The following MGST2 variants were observed in gnomAD, a reference collection of about 807,000 sequenced individuals.
MGST2 encodes the protein microsomal glutathione S-transferase 2.
MGST2 carries 9 observed loss-of-function variants against 16.6 expected under a neutral mutation model. That is an observed-to-expected ratio of 0.54 (90% CI 0.33 to 0.95). The LOEUF (loss-of-function observed/expected upper bound fraction) is 0.95, where lower values mean the gene tolerates loss of function less well. Among genes scored for constraint, MGST2 ranks in the 40% least tolerant of loss-of-function variants. The pLI is 0.03. For missense variants in MGST2, 159 were observed against 175.1 expected, an observed-to-expected ratio of 0.91 and a Z score of 0.52; for synonymous variants, 79 against 68.0, an observed-to-expected ratio of 1.16 and a Z score of -0.79.
rs1290832790 is a variant in MGST2 at position 139,715,415 on chromosome 4, G to GCAGGACAGAGAAATGTGTTA, written c.*48+11225_*48+11244dup. ...CTTCGGTGGTTGCCAGAAATATGTT[G>GCAGGACAGAGAAATGTGTTA]CAGGACAGAGAAATGTGTTACAGGA... On this transcript the variant is annotated intron_variant, in intron 5 of 5. Coordinates refer to the MGST2 transcript ENST00000616265. The surrounding 1 kb of genome is among the most constrained non-coding windows in gnomAD (Gnocchi z 4.4). Among the ~76,000 whole-genome samples, 8 of 152,154 alleles carry GCAGGACAGAGAAATGTGTTA rather than the reference G, an allele frequency of 5.3e-5. No homozygotes were observed. The East Asian group carries it at 1.4e-3, about 26-fold the overall frequency.
At chr4:139,721,567 C>T (rs1484907291) in intron 5 of MGST2, among the ~76,000 whole-genome samples, 2 of 152,152 alleles carry the variant, frequency 1.3e-5, no homozygotes, top group African/African-American at 4.8e-5. Flanking sequence ...TTTTTGTCTT[C>T]CTGATGTGGC....
the MGST2 span, among the ~76,000 whole-genome samples, chr4:139,749,586 G>A: frequency 6.6e-6 from 1 of 152,234 alleles, no homozygotes; most frequent in African/African-American, 2.4e-5. Flanking sequence ...AATCTGGAAA[G>A]ACATGAGTCT....
At chr4:139,728,345 G>A (rs1045191793) in intron 5 of MGST2, among the ~76,000 whole-genome samples, 4 of 152,242 alleles carry the variant, frequency 2.6e-5, no homozygotes, top group African/African-American at 4.8e-5. Context: ...CCATGTGGCT[G>A]CAGCTCTCAC....
At chr4:139,711,308 G>A (rs777948711) in intron 5 of MGST2, among the ~76,000 whole-genome samples, 5 of 152,104 alleles carry the variant, frequency 3.3e-5, no homozygotes, top group African/African-American at 4.8e-5. Flanking sequence ...CTTGGATCTC[G>A]TGCAAGAAAG....
At chr4:139,745,601 C>T (rs1414279504), downstream of MGST2, among the ~76,000 whole-genome samples, 1 of 152,198 alleles carries the variant, frequency 6.6e-6, no homozygotes, top group African/African-American at 2.4e-5. Flanking sequence ...CCCACCTCCT[C>T]CCACTCATTT....
chr4:139,725,024 G>A (rs1249314597), intron 5 of MGST2, among the ~76,000 whole-genome samples: 1 of 152,178 alleles, frequency 6.6e-6, no homozygotes, highest in African/African-American at 2.4e-5. Context: ...CTCCCAAAGT[G>A]CTAGGATTAT....
At chr4:139,686,549 A>G (rs1161142044) in intron 2 of MGST2, among the ~76,000 whole-genome samples, 1 of 152,224 alleles carries the variant, frequency 6.6e-6, no homozygotes, top group Non-Finnish European at 1.5e-5. Context: ...TTTACACCCT[A>G]TTCAACAGAG....
downstream of MGST2, among the ~76,000 whole-genome samples, chr4:139,708,859 G>A (rs906983312): frequency 1.5e-4 from 23 of 151,624 alleles, no homozygotes; most frequent in Admixed American, 2.6e-4. Context: ...AAAATTAGCC[G>A]GGCATGGTGG....
At chr4:139,676,010 C>G (rs1245609722) in intron 1 of MGST2, among the ~76,000 whole-genome samples, 1 of 152,164 alleles carries the variant, frequency 6.6e-6, no homozygotes, top group Non-Finnish European at 1.5e-5. Context: ...GGAGTTCTGC[C>G]TCTGGATGGT....
At chr4:139,705,714 C>T (rs979935597), downstream of MGST2, 2 of 152,070 alleles carry the variant, frequency 1.3e-5, no homozygotes, top group African/African-American at 2.4e-5. Flanking sequence ...TATTCTTTCT[C>T]TTGGCTGAGG....
At position 139,715,634 on chromosome 4, in the gene MGST2, A is replaced by C. The variant is rs1263743056; in HGVS notation, c.*48+11438A>C. 6.6e-6 allele frequency among the ~76,000 whole-genome samples: 1 copy of C among 152,174 alleles called. No individual in the cohort carries two copies. The highest frequency in any genetic ancestry group is 1.5e-5 in the Non-Finnish European group (1 of 68,020). ...TGGTTATCTCTTGATGATATGCTAAACAAGGGGTGCATTATTCATGCCTCC... is the reference window on the plus strand; with the variant it reads ...TGGTTATCTCTTGATGATATGCTAACCAAGGGGTGCATTATTCATGCCTCC... On this transcript the variant is annotated intron_variant, in intron 5 of 5. Coordinates refer to the MGST2 transcript ENST00000616265. This position sits in a 1 kb window ranked among gnomAD's most constrained non-coding sequence, Gnocchi z 4.4.
chr4:139,740,967 C>T (rs1729146353), downstream of MGST2, among the ~76,000 whole-genome samples: 1 of 152,192 alleles, frequency 6.6e-6, no homozygotes, highest in African/African-American at 2.4e-5. Context: ...AGAGGGAGGG[C>T]CCGTGTCAGC....
chr4:139,753,600 G>A, the MGST2 span, among the ~76,000 whole-genome samples: 243 of 152,172 alleles, frequency 1.6e-3, no homozygotes, highest in African/African-American at 4.6e-3. Context: ...TAAGTGAAGG[G>A]AAAAATATCT....
At chr4:139,673,847 G>A (rs1442290795) in intron 1 of MGST2, among the ~76,000 whole-genome samples, 3 of 152,160 alleles carry the variant, frequency 2.0e-5, no homozygotes, top group Non-Finnish European at 2.9e-5. Flanking sequence ...CTTGGCCCAA[G>A]CAAGGGTTTT....
chr4:139,698,049 G>A, intron 3 of MGST2: 1 of 762,814 alleles, frequency 1.3e-6, no homozygotes, highest in Non-Finnish European at 2.1e-6. Context: ...TGACCCCATG[G>A]AAAAAAATTA....
At chr4:139,745,985 G>C in the MGST2 span, among the ~76,000 whole-genome samples, 1 of 152,182 alleles carries the variant, frequency 6.6e-6, no homozygotes, top group Admixed American at 6.5e-5. Flanking sequence ...GCTACTAAAT[G>C]TTTCATTCAC....
intron 5 of MGST2, chr4:139,730,722 G>A (rs1181342269): frequency 2.0e-6 from 3 of 1,508,282 alleles, no homozygotes; most frequent in South Asian, 1.2e-5. Flanking sequence ...ACTCACTGCT[G>A]TTTGAAGGGA....
intron 2 of MGST2, among the ~76,000 whole-genome samples, chr4:139,689,106 C>CAA (rs746270352): frequency 0.012 from 749 of 61,204 alleles, 9 homozygotes; most frequent in African/African-American, 0.03. Flanking sequence ...GACGCCATCT[C>CAA]AAAAAAAAAA....
At chr4:139,722,995 C>T (rs917000286) in intron 5 of MGST2, among the ~76,000 whole-genome samples, 8 of 152,220 alleles carry the variant, frequency 5.3e-5, no homozygotes, top group Admixed American at 3.9e-4. Context: ...TTCCACGTCA[C>T]GAATAGAAAA....
Sources: gnomAD v4.1 joint callset for allele counts (sites outside exome capture counted in the v4.1 genomes callset) on GRCh38, gnomAD v4.1.1 for gene constraint, Gnocchi (gnomAD v3.1) non-coding constraint, MANE v1.5 for transcripts, NCBI Gene and HGNC (gene_info 2026-07-23, HGNC 2026-07-21) for gene names.